The following PDE4D variants were observed in gnomAD, a reference collection of about 807,000 sequenced individuals.
PDE4D encodes the protein phosphodiesterase 4D.
A neutral mutation model predicts 87.4 loss-of-function variants in PDE4D; 24 were observed. That is an observed-to-expected ratio of 0.27 (90% CI 0.20 to 0.39). The LOEUF (loss-of-function observed/expected upper bound fraction) is 0.39. Among genes scored for constraint, PDE4D ranks in the 10% least tolerant of loss-of-function variants. The pLI is 1.00. For synonymous variants in PDE4D, 384 were observed against 383.2 expected, an observed-to-expected ratio of 1.00 and a Z score of -0.02; for missense variants, 714 against 1,041.0, an observed-to-expected ratio of 0.69 and a Z score of 4.32.
chr5:60,196,989 T>C (rs993103442), intron 1 of PDE4D, among the ~76,000 whole-genome samples: 7 of 149,600 alleles, frequency 4.7e-5, no homozygotes, highest in African/African-American at 1.5e-4. Flanking sequence ...ACATGAACCA[T>C]TCTGCCTCTC....
At chr5:60,518,763 C>T (rs1009895485) in intron 1 of PDE4D, among the ~76,000 whole-genome samples, 15 of 152,124 alleles carry the variant, frequency 9.9e-5, no homozygotes, top group Admixed American at 1.3e-4. Flanking sequence ...TTGAAAGTTG[C>T]TAGGGGCTCA....
At chr5:60,015,733 A>G (rs1192888023) in intron 2 of PDE4D, among the ~76,000 whole-genome samples, 1 of 152,162 alleles carries the variant, frequency 6.6e-6, no homozygotes, top group African/African-American at 2.4e-5. Context: ...AAGAGCAACA[A>G]TAACAAAAAC....
intron 2 of PDE4D, among the ~76,000 whole-genome samples, chr5:60,165,768 TGTACTTACAGGTGAAGTGG>T (rs1782836711): frequency 6.6e-6 from 1 of 150,566 alleles, no homozygotes; most frequent in Non-Finnish European, 1.5e-5. Context: ...GATCTATGTG[TGTACTTACAGGTGAAGTGG>T]GTCCCTTGAG....
intron 1 of PDE4D, among the ~76,000 whole-genome samples, chr5:59,595,298 A>T (rs1374182573): frequency 2.0e-5 from 3 of 152,208 alleles, no homozygotes; most frequent in African/African-American, 7.2e-5. Context: ...AATATCATTT[A>T]AAGTTTCTTT....
chr5:60,228,163 C>A (rs549380427), intron 1 of PDE4D, among the ~76,000 whole-genome samples: 1 of 152,138 alleles, frequency 6.6e-6, no homozygotes, highest in African/African-American at 2.4e-5. Context: ...TCTCGTGGCA[C>A]CCTATACTTT....
intron 6 of PDE4D, among the ~76,000 whole-genome samples, chr5:58,993,883 T>C (rs1748527173): frequency 6.6e-6 from 1 of 152,110 alleles, no homozygotes; most frequent in Non-Finnish European, 1.5e-5. Flanking sequence ...TTATTAGTTA[T>C]TTAGAGAAGA....
intron 1 of PDE4D, among the ~76,000 whole-genome samples, chr5:59,255,440 G>A (rs1760789067): frequency 6.6e-6 from 1 of 152,042 alleles, no homozygotes; most frequent in South Asian, 2.1e-4. Flanking sequence ...AGCAGGTAAT[G>A]GGGGAGATGG....
At chr5:59,575,833 T>C (rs551804719) in intron 1 of PDE4D, among the ~76,000 whole-genome samples, 1 of 152,198 alleles carries the variant, frequency 6.6e-6, no homozygotes, top group East Asian at 1.9e-4. Flanking sequence ...AGAAAATCCA[T>C]CCTGTATAAG....
intron 5 of PDE4D, among the ~76,000 whole-genome samples, chr5:59,128,015 C>CGTGTGTGTGTGTGT (rs55796726): frequency 0.017 from 2,433 of 144,330 alleles, 31 homozygotes; most frequent in East Asian, 0.029. Context: ...CTTTCAGAGC[C>CGTGTGTGTGTGTGT]GTGTGTGTGT....
intron 1 of PDE4D, among the ~76,000 whole-genome samples, chr5:59,700,859 G>T (rs1162037831): frequency 1.3e-5 from 2 of 152,156 alleles, no homozygotes; most frequent in African/African-American, 4.8e-5. Flanking sequence ...GCTAGCTCAA[G>T]CCTATGTGAT....
intron 1 of PDE4D, among the ~76,000 whole-genome samples, chr5:59,605,813 A>C (rs2150048119): frequency 6.6e-6 from 1 of 152,176 alleles, no homozygotes; most frequent in East Asian, 1.9e-4. Context: ...AGTGATGTGA[A>C]TTTAAGTGTA....
At chr5:60,126,019 G>A (rs1423368273) in intron 2 of PDE4D, among the ~76,000 whole-genome samples, 1 of 152,076 alleles carries the variant, frequency 6.6e-6, no homozygotes, top group African/African-American at 2.4e-5. Flanking sequence ...AGAAATAGTT[G>A]GGGGCATGGT....
chr5:59,740,273 C>T (rs1758647055), intron 1 of PDE4D, among the ~76,000 whole-genome samples: 2 of 152,018 alleles, frequency 1.3e-5, no homozygotes. Flanking sequence ...TTATAAAGTG[C>T]CCACATGTTC....
At chr5:60,466,188 A>C (rs1248126775) in intron 1 of PDE4D, among the ~76,000 whole-genome samples, 1 of 152,154 alleles carries the variant, frequency 6.6e-6, no homozygotes, top group East Asian at 1.9e-4. Context: ...ATTTGTCCAC[A>C]ATCTTATTTT....
chr5:59,684,622 T>C (rs1749558697), intron 1 of PDE4D, among the ~76,000 whole-genome samples: 1 of 152,174 alleles, frequency 6.6e-6, no homozygotes. Flanking sequence ...TAACAGTCTC[T>C]GTGTGGGGCC....
chr5:60,245,513 C>G (rs1052788571), intron 1 of PDE4D, among the ~76,000 whole-genome samples: 1 of 151,816 alleles, frequency 6.6e-6, no homozygotes. Context: ...GTCACAATAG[C>G]CAGGAATTGG....
At chr5:60,303,596 C>T (rs951802461) in intron 1 of PDE4D, among the ~76,000 whole-genome samples, 9 of 152,252 alleles carry the variant, frequency 5.9e-5, no homozygotes, top group East Asian at 1.9e-4. Flanking sequence ...CGTGAGCCAC[C>T]GCGCCCGGCC....
At chr5:59,097,632 C>T (rs1234013203) in intron 5 of PDE4D, among the ~76,000 whole-genome samples, 1 of 152,182 alleles carries the variant, frequency 6.6e-6, no homozygotes, top group African/African-American at 2.4e-5. Flanking sequence ...TATTATTTTT[C>T]TTCCCATTCA....
At chr5:60,464,322 A>G (rs1747181849) in intron 1 of PDE4D, among the ~76,000 whole-genome samples, 1 of 152,346 alleles carries the variant, frequency 6.6e-6, no homozygotes, top group Non-Finnish European at 1.5e-5. Flanking sequence ...GCCAAAATTT[A>G]TAAGTAATTG....
Sources: allele counts gnomAD v4.1 joint callset (sites outside exome capture counted in the v4.1 genomes callset), GRCh38; gene constraint gnomAD v4.1.1; transcripts MANE v1.5; gene names NCBI Gene and HGNC (gene_info 2026-07-23, HGNC 2026-07-21).